The following ROBO1 variants were observed in gnomAD, a reference collection of about 807,000 sequenced individuals.
ROBO1 encodes roundabout guidance receptor 1, also known as roundabout homolog 1.
A neutral mutation model predicts 195.9 loss-of-function variants in ROBO1; 149 were observed. That is an observed-to-expected ratio of 0.76 (90% CI 0.67 to 0.87). The LOEUF (loss-of-function observed/expected upper bound fraction) is 0.87. Among genes scored for constraint, ROBO1 ranks in the 40% least tolerant of loss-of-function variants. The probability of loss-of-function intolerance (pLI) is 0.00; values close to 1 mark genes in which losing one functional copy is unlikely to be tolerated. For synonymous variants in ROBO1, 816 were observed against 733.2 expected (o/e 1.11, Z -1.82); for missense variants, 1,933 against 2,068.3 (o/e 0.93, Z 1.27).
intron 4 of ROBO1, among the ~76,000 whole-genome samples, chr3:78,877,286 A>G (rs1283642431): frequency 6.6e-6 from 1 of 152,154 alleles, no homozygotes; most frequent in Non-Finnish European, 1.5e-5. Flanking sequence ...CCAAGAATAC[A>G]TCTATTGAGA....
chr3:79,264,384 G>C (rs1173343425), intron 2 of ROBO1, among the ~76,000 whole-genome samples: 3 of 151,534 alleles, frequency 2.0e-5, no homozygotes, highest in African/African-American at 7.3e-5. Flanking sequence ...TCTCACCTAA[G>C]TCTATCTCCT....
At chr3:78,799,779 C>T (rs951436640) in intron 4 of ROBO1, among the ~76,000 whole-genome samples, 1 of 152,160 alleles carries the variant, frequency 6.6e-6, no homozygotes, top group African/African-American at 2.4e-5. Flanking sequence ...TCAAGATTTT[C>T]TTGTGCTACT....
intron 3 of ROBO1, chr3:79,018,960 C>A: frequency 5.1e-6 from 5 of 988,900 alleles, no homozygotes; most frequent in Non-Finnish European, 6.0e-6. Flanking sequence ...GCGGCGGCGG[C>A]GATAGCAGCC....
chr3:79,494,411 G>A (rs921884494), intron 2 of ROBO1, among the ~76,000 whole-genome samples: 2 of 151,918 alleles, frequency 1.3e-5, no homozygotes, highest in East Asian at 1.9e-4. Flanking sequence ...TTATAATTTT[G>A]TTTAAAACAC....
chr3:79,430,265 A>G lies in ROBO1; in HGVS notation c.88+159559T>C, dbSNP rs779892840. ...ATAATTCGTAAATTTTCAGAAATTAAGTTCAATAAAAATAATACTTTACTC... is the reference window on the plus strand; with the variant it reads ...ATAATTCGTAAATTTTCAGAAATTAGGTTCAATAAAAATAATACTTTACTC... On this transcript the variant is annotated intron_variant, in intron 2 of 30. Coordinates refer to ENST00000464233, the MANE Select transcript of ROBO1 (RefSeq NM_002941.4). 1.1e-4 allele frequency among the ~76,000 whole-genome samples: 17 copies of G among 152,226 alleles called. 1 individual carries two copies. Among genetic ancestry groups the G allele is most frequent in the East Asian group, 7.7e-4 (4 of 5,174 alleles).
intron 4 of ROBO1, among the ~76,000 whole-genome samples, chr3:78,809,837 T>C (rs1392973297): frequency 6.6e-6 from 1 of 151,880 alleles, no homozygotes; most frequent in Non-Finnish European, 1.5e-5. Context: ...CCGAAGCCTC[T>C]TGAGGGTGGG....
chr3:78,642,285 C>T (rs1182205405), intron 21 of ROBO1, among the ~76,000 whole-genome samples: 1 of 152,148 alleles, frequency 6.6e-6, no homozygotes, highest in East Asian at 1.9e-4. Flanking sequence ...TCTTCTCTTG[C>T]TATTCCAATC....
chr3:79,399,708 T>C (rs367894071), intron 2 of ROBO1, among the ~76,000 whole-genome samples: 54 of 152,238 alleles, frequency 3.5e-4, no homozygotes, highest in African/African-American at 3.9e-4. Context: ...TTGTTTTTAA[T>C]AGGAAGAAAA....
chr3:78,669,945 T>C, intron 11 of ROBO1, 151 bp downstream of exon 11: 3 of 603,740 alleles, frequency 5.0e-6, no homozygotes, highest in South Asian at 2.6e-5. Flanking sequence ...CAATGAAATA[T>C]CTGAAAAAAA....
In ROBO1 at chr3:79,081,290, C is replaced by A. The variant is rs6773158; in HGVS notation, c.172+44166G>T. On this transcript the variant is annotated intron_variant, in intron 3 of 30. Transcript: ENST00000464233. ...CTAAGATGCTGCCATTGCATTAATA[C>A]GATAGGTCAATCATTTGATGGGCAT... Among the ~76,000 whole-genome samples the A allele has an allele frequency of 1.0e-2, 1,515 of 151,816 alleles. 8 individuals carry two copies. Among genetic ancestry groups the A allele is most frequent in the Non-Finnish European group, 0.017 (1,127 of 67,978 alleles).
At chr3:78,724,145 GA>G (rs1273910115) in intron 5 of ROBO1, among the ~76,000 whole-genome samples, 1 of 152,032 alleles carries the variant, frequency 6.6e-6, no homozygotes, top group African/African-American at 2.4e-5. Context: ...ATGAACTTCA[GA>G]AACAGAAGAA....
chr3:79,314,355 A>T (rs2033633955), intron 2 of ROBO1, among the ~76,000 whole-genome samples: 1 of 152,198 alleles, frequency 6.6e-6, no homozygotes, highest in African/African-American at 2.4e-5. Flanking sequence ...GAGGTCATTG[A>T]ATCATGTGGG....
chr3:79,370,803 A>G (rs527972999), intron 2 of ROBO1, among the ~76,000 whole-genome samples: 1 of 152,118 alleles, frequency 6.6e-6, no homozygotes, highest in Admixed American at 6.5e-5. Context: ...CCCTGCATGC[A>G]TTACATATTT....
intron 2 of ROBO1, among the ~76,000 whole-genome samples, chr3:79,229,600 A>T (rs914277670): frequency 1.3e-5 from 2 of 151,880 alleles, no homozygotes; most frequent in Admixed American, 1.3e-4. Context: ...TGCCCAGCTG[A>T]TGTTTTTATT....
chr3:78,709,222 A>G (rs999823689), intron 8 of ROBO1, among the ~76,000 whole-genome samples: 3 of 152,224 alleles, frequency 2.0e-5, no homozygotes, highest in Non-Finnish European at 4.4e-5. Context: ...TGTTGTAATT[A>G]TCCCAAACAG....
intron 2 of ROBO1, among the ~76,000 whole-genome samples, chr3:79,497,928 C>A (rs1349761734): frequency 6.6e-6 from 1 of 152,072 alleles, no homozygotes; most frequent in Non-Finnish European, 1.5e-5. Flanking sequence ...TGTTGTTAGT[C>A]ATATAATCAT....
intron 1 of ROBO1, among the ~76,000 whole-genome samples, chr3:79,710,206 G>T (rs1368885997): frequency 6.6e-6 from 1 of 152,114 alleles, no homozygotes; most frequent in Non-Finnish European, 1.5e-5. Context: ...GAAGCTCAAA[G>T]ACATAATGGC....
At chr3:79,395,927 A>G (rs935462798) in intron 2 of ROBO1, among the ~76,000 whole-genome samples, 2 of 152,096 alleles carry the variant, frequency 1.3e-5, no homozygotes, top group Admixed American at 1.3e-4. Context: ...TTGCATTGGA[A>G]ATGCTATAAT....
At chr3:79,679,253 T>G (rs548257215) in intron 1 of ROBO1, among the ~76,000 whole-genome samples, 1 of 152,160 alleles carries the variant, frequency 6.6e-6, no homozygotes, top group African/African-American at 2.4e-5. Context: ...GTTCTTGCAT[T>G]TTGAAACAAC....
Sources: allele counts gnomAD v4.1 joint callset (sites outside exome capture counted in the v4.1 genomes callset), GRCh38; gene constraint gnomAD v4.1.1; transcripts MANE v1.5; gene names NCBI Gene and HGNC (gene_info 2026-07-23, HGNC 2026-07-21).